PRKG1: variants seen among roughly 807,000 people sequenced by gnomAD.
The protein encoded by PRKG1 is cGMP-dependent protein kinase 1.
A neutral mutation model predicts 88.1 loss-of-function variants in PRKG1; 35 were observed. That is an observed-to-expected ratio of 0.40 (90% confidence interval 0.30 to 0.53). PRKG1 has a LOEUF of 0.53. PRKG1 is among the 20% of genes least tolerant of loss of function. The probability of loss-of-function intolerance (pLI) is 0.59; values close to 1 mark genes in which losing one functional copy is unlikely to be tolerated. For missense variants in PRKG1, 540 were observed against 839.8 expected (o/e 0.64, Z 4.41); for synonymous variants, 303 against 292.5 (o/e 1.04, Z -0.37).
intron 9 of PRKG1, among the ~76,000 whole-genome samples, chr10:52,166,696 T>G (rs1838450757): frequency 7.8e-6 from 1 of 127,604 alleles, no homozygotes; most frequent in African/African-American, 4.2e-5. Flanking sequence ...TGTTAAATAT[T>G]TCTGACGTGT....
chr10:52,053,454 T>A lies in PRKG1; in HGVS notation c.763-1030T>A, dbSNP rs188986502. Among the ~76,000 whole-genome samples the A allele has an allele frequency of 2.0e-5, 3 of 152,320 alleles. No homozygotes were observed. In the East Asian group the frequency reaches 5.8e-4, roughly 29 times the overall value. On this transcript the variant is annotated intron_variant, in intron 5 of 17. Coordinates refer to ENST00000373980, the MANE Select transcript of PRKG1 (RefSeq NM_006258.4). ...AAATAACAACCATCAGTCTAATGGATACTGCATGTAAACCACGAATTCTGT... is the reference window on the plus strand; with the variant it reads ...AAATAACAACCATCAGTCTAATGGAAACTGCATGTAAACCACGAATTCTGT...
At chr10:51,609,147 G>A (rs1418390280) in intron 3 of PRKG1, among the ~76,000 whole-genome samples, 1 of 151,688 alleles carries the variant, frequency 6.6e-6, no homozygotes, top group Admixed American at 6.6e-5. Flanking sequence ...GTGCAGGTTA[G>A]TTACATATGT....
chr10:51,608,585 T>C (rs1838825250), intron 3 of PRKG1, among the ~76,000 whole-genome samples: 2 of 152,218 alleles, frequency 1.3e-5, no homozygotes, highest in African/African-American at 4.8e-5. Flanking sequence ...AGCCTTGTGA[T>C]TATAACATCA....
intron 2 of PRKG1, among the ~76,000 whole-genome samples, chr10:51,200,653 G>A (rs1837890133): frequency 6.6e-6 from 1 of 152,168 alleles, no homozygotes; most frequent in Non-Finnish European, 1.5e-5. Context: ...TCTGCTTGCT[G>A]AATTATTGCA....
chr10:51,362,400 G>A lies in PRKG1; in HGVS notation c.479-105323G>A, dbSNP rs113213972. The stretch of plus-strand genomic sequence containing the variant: ...GGCTTCTTTTTAAACTTTTATGTGA[G>A]TCTTCTTTTTTTTTGGATAGTAAAT... On this transcript the variant is annotated intron_variant, in intron 2 of 17. Transcript: ENST00000373980. Among the ~76,000 whole-genome samples, 1,018 of 151,540 alleles carry A rather than the reference G, an allele frequency of 6.7e-3. 16 individuals are homozygous for A. Among genetic ancestry groups the A allele is most frequent in the Middle Eastern group, 0.021 (6 of 292 alleles).
chr10:52,013,508 G>A (rs1226376829), intron 5 of PRKG1, among the ~76,000 whole-genome samples: 1 of 152,046 alleles, frequency 6.6e-6, no homozygotes, highest in African/African-American at 2.4e-5. Context: ...TAGTATTTTT[G>A]CTGTCTCTTG....
intron 5 of PRKG1, among the ~76,000 whole-genome samples, chr10:52,043,917 GAAAA>G (rs5784899): frequency 2.2e-5 from 3 of 133,940 alleles, no homozygotes; most frequent in Non-Finnish European, 4.7e-5. Flanking sequence ...GTTAAACATA[GAAAA>G]AAAAAAAAAA....
chr10:51,190,721 G>A (rs962367002), intron 2 of PRKG1, among the ~76,000 whole-genome samples: 3 of 151,776 alleles, frequency 2.0e-5, no homozygotes, highest in Non-Finnish European at 2.9e-5. Context: ...TTTATTCTGT[G>A]GAATCACAGA....
intron 9 of PRKG1, among the ~76,000 whole-genome samples, chr10:52,220,733 G>T (rs111459979): frequency 1.3e-5 from 2 of 152,058 alleles, no homozygotes; most frequent in Admixed American, 1.3e-4. Context: ...CCATGTTCCT[G>T]CAGAGGACAG....
intron 5 of PRKG1, among the ~76,000 whole-genome samples, chr10:52,002,808 C>T (rs1024174325): frequency 1.3e-5 from 2 of 152,134 alleles, no homozygotes; most frequent in African/African-American, 4.8e-5. Flanking sequence ...TTTTCTTGCA[C>T]TTTTTCAGCT....
chr10:51,224,182 TG>T (rs1435888034), intron 2 of PRKG1, among the ~76,000 whole-genome samples: 1 of 152,246 alleles, frequency 6.6e-6, no homozygotes, highest in Non-Finnish European at 1.5e-5. Flanking sequence ...GTGACAGATT[TG>T]GACACACTGG....
chr10:51,860,521 G>T (rs1280843292), intron 4 of PRKG1, among the ~76,000 whole-genome samples: 1 of 152,112 alleles, frequency 6.6e-6, no homozygotes, highest in African/African-American at 2.4e-5. Flanking sequence ...AACAGGGTGG[G>T]GGAGTACTGT....
chr10:51,131,244 A>G (rs1845558880), intron 1 of PRKG1, among the ~76,000 whole-genome samples: 1 of 152,200 alleles, frequency 6.6e-6, no homozygotes, highest in Non-Finnish European at 1.5e-5. Flanking sequence ...AGTATGCAGA[A>G]TTATTTCATA....
intron 5 of PRKG1, chr10:51,911,185 T>G (rs1324194984): frequency 6.6e-6 from 1 of 152,196 alleles, no homozygotes; most frequent in East Asian, 1.9e-4. Context: ...TCTGTAAATA[T>G]AAAACTACTT....
intron 4 of PRKG1, among the ~76,000 whole-genome samples, chr10:51,825,998 G>C (rs941780247): frequency 2.0e-5 from 3 of 152,174 alleles, no homozygotes; most frequent in African/African-American, 4.8e-5. Flanking sequence ...TGAACTTGAT[G>C]CCCATTCATG....
intron 3 of PRKG1, among the ~76,000 whole-genome samples, chr10:51,480,784 C>T (rs1840332530): frequency 6.6e-6 from 1 of 151,918 alleles, no homozygotes; most frequent in Non-Finnish European, 1.5e-5. Context: ...ATGTTTTTGG[C>T]CTTAAAATTT....
chr10:51,884,036 A>T (rs1841501446), intron 4 of PRKG1, among the ~76,000 whole-genome samples: 2 of 151,532 alleles, frequency 1.3e-5, no homozygotes, highest in Admixed American at 6.6e-5. Flanking sequence ...AAAAAAAAAA[A>T]AAAAAAAAAG....
chr10:51,606,540 G>A lies in PRKG1; in HGVS notation c.592+138704G>A, dbSNP rs892481841. Among the ~76,000 whole-genome samples the A allele has an allele frequency of 2.2e-4, 34 of 152,090 alleles. 1 individual carries two copies. The highest frequency in any genetic ancestry group is 8.0e-4 in the African/African-American group (33 of 41,404). ...TGTCATATCCAGTAAAGAATTAATG[G>A]CATCTTTTCGTTCCTCACCAAAAGG... On this transcript the variant is annotated intron_variant, in intron 3 of 17. Transcript: ENST00000373980.
At chr10:51,798,314 T>C (rs1839073735) in intron 3 of PRKG1, among the ~76,000 whole-genome samples, 1 of 152,034 alleles carries the variant, frequency 6.6e-6, no homozygotes, top group African/African-American at 2.4e-5. Context: ...ACACTTACTA[T>C]TTTATATTTT....
Sources: allele counts gnomAD v4.1 joint callset (sites outside exome capture counted in the v4.1 genomes callset), GRCh38; gene constraint gnomAD v4.1.1; transcripts MANE v1.5; gene names NCBI Gene and HGNC (gene_info 2026-07-23, HGNC 2026-07-21).